The following SCAND3 variants were observed in gnomAD, a reference collection of about 807,000 sequenced individuals.
The protein encoded by SCAND3 is SCAN domain-containing protein 3.
chr6:28,586,596 C>T, the SCAND3 span: 23 of 1,614,100 alleles, frequency 1.4e-5, no homozygotes, highest in Non-Finnish European at 1.9e-5. This position sits in a 1 kb window ranked among gnomAD's most constrained non-coding sequence, Gnocchi z 4.4. Flanking sequence ...CAAATTCCTA[C>T]GTAGGGCTGA....
the SCAND3 span, among the ~76,000 whole-genome samples, chr6:28,583,928 C>A: frequency 1.3e-5 from 2 of 152,174 alleles, no homozygotes; most frequent in Non-Finnish European, 2.9e-5. Context: ...CAAATCCAAC[C>A]CCCTTTGCAA....
the SCAND3 span, among the ~76,000 whole-genome samples, chr6:28,583,224 C>G: frequency 6.6e-6 from 1 of 151,262 alleles, no homozygotes; most frequent in South Asian, 2.1e-4. Context: ...AACCTCGTAT[C>G]TACTAAAAAT....
At chr6:28,600,022 A>T in the SCAND3 span, among the ~76,000 whole-genome samples, 1 of 152,176 alleles carries the variant, frequency 6.6e-6, no homozygotes, top group Non-Finnish European at 1.5e-5. Flanking sequence ...AAAACACAAA[A>T]CTATAGAATT....
the SCAND3 span, chr6:28,586,242 A>C: frequency 1.2e-5 from 18 of 1,457,810 alleles, no homozygotes; most frequent in African/African-American, 2.1e-4. This position sits in a 1 kb window ranked among gnomAD's most constrained non-coding sequence, Gnocchi z 4.4. Context: ...CCATTACTCC[A>C]TTCTGGATCC....
the SCAND3 span, among the ~76,000 whole-genome samples, chr6:28,582,455 G>A: frequency 6.6e-6 from 1 of 152,078 alleles, no homozygotes; most frequent in Non-Finnish European, 1.5e-5. This position sits in a 1 kb window ranked among gnomAD's most constrained non-coding sequence, Gnocchi z 4.8. Context: ...CTGACTAGAC[G>A]TGAGAAACTG....
chr6:28,593,157 A>G, the SCAND3 span, among the ~76,000 whole-genome samples: 1 of 152,182 alleles, frequency 6.6e-6, no homozygotes, highest in African/African-American at 2.4e-5. Context: ...CAAACCTTAT[A>G]TCTAATAAAG....
the SCAND3 span, chr6:28,573,049 TAC>T: frequency 6.2e-7 from 1 of 1,611,766 alleles, no homozygotes; most frequent in Non-Finnish European, 8.5e-7. Flanking sequence ...TACAGCTTCA[TAC>T]AGTTCTGAGC....
At chr6:28,607,201 T>C in the SCAND3 span, among the ~76,000 whole-genome samples, 39 of 152,250 alleles carry the variant, frequency 2.6e-4, no homozygotes, top group South Asian at 3.9e-3. Context: ...ATGTACGAGG[T>C]CCCGGGTTCA....
At chr6:28,596,242 T>C in the SCAND3 span, among the ~76,000 whole-genome samples, 1 of 152,136 alleles carries the variant, frequency 6.6e-6, no homozygotes, top group Non-Finnish European at 1.5e-5. Context: ...GGTTAAATAA[T>C]ATATGGTAAA....
the SCAND3 span, among the ~76,000 whole-genome samples, chr6:28,602,390 T>A: frequency 1.5e-4 from 23 of 152,168 alleles, no homozygotes; most frequent in African/African-American, 5.1e-4. Flanking sequence ...GTGTTTTTAG[T>A]AGAGACAGGG....
chr6:28,608,913 A>G, the SCAND3 span, among the ~76,000 whole-genome samples: 1 of 151,810 alleles, frequency 6.6e-6, no homozygotes, highest in South Asian at 2.1e-4. Context: ...GAATCGCTTG[A>G]GCCCAGGAGG....
the SCAND3 span, among the ~76,000 whole-genome samples, chr6:28,606,879 T>C: frequency 1.3e-5 from 2 of 152,206 alleles, no homozygotes; most frequent in Non-Finnish European, 2.9e-5. Context: ...GCTGGTACCC[T>C]GGCTGCGCTA....
At chr6:28,587,451 T>A in the SCAND3 span, 1 of 152,206 alleles carries the variant, frequency 6.6e-6, no homozygotes, top group East Asian at 1.9e-4. Flanking sequence ...GAGAATTAAC[T>A]CCGGAATTAC....
At chr6:28,572,228 C>T in the SCAND3 span, 12 of 1,613,846 alleles carry the variant, frequency 7.4e-6, no homozygotes, top group Non-Finnish European at 1.0e-5. This position sits in a 1 kb window ranked among gnomAD's most constrained non-coding sequence, Gnocchi z 4.1. Flanking sequence ...TGTAGAGTTA[C>T]AGTTAAATTT....
At chr6:28,572,791 G>A in the SCAND3 span, 1 of 1,612,906 alleles carries the variant, frequency 6.2e-7, no homozygotes, top group Non-Finnish European at 8.5e-7. The surrounding 1 kb of genome is among the most constrained non-coding windows in gnomAD (Gnocchi z 4.1). Context: ...TGAATTCAAT[G>A]AATTAGATTT....
the SCAND3 span, among the ~76,000 whole-genome samples, chr6:28,603,973 A>G: frequency 3.9e-5 from 6 of 152,296 alleles, no homozygotes; most frequent in Middle Eastern, 6.8e-3. Flanking sequence ...CCCCAACAGG[A>G]CTGCCCAGAT....
the SCAND3 span, among the ~76,000 whole-genome samples, chr6:28,612,140 G>A: frequency 6.6e-6 from 1 of 151,910 alleles, no homozygotes; most frequent in Non-Finnish European, 1.5e-5. Flanking sequence ...AGCTTCAAGC[G>A]ATTCTCCTGA....
chr6:28,583,065 G>C, the SCAND3 span, among the ~76,000 whole-genome samples: 1 of 152,006 alleles, frequency 6.6e-6, no homozygotes, highest in Non-Finnish European at 1.5e-5. Context: ...TGTGAGGAAA[G>C]GGGGGGCAAG....
chr6:28,611,831 T>C, the SCAND3 span, among the ~76,000 whole-genome samples: 1 of 152,238 alleles, frequency 6.6e-6, no homozygotes. Flanking sequence ...TTCCACTGTA[T>C]ATACAGTAGC....
Sources: gnomAD v4.1 joint callset for allele counts (sites outside exome capture counted in the v4.1 genomes callset) on GRCh38, gnomAD v4.1.1 for gene constraint, Gnocchi (gnomAD v3.1) non-coding constraint, MANE v1.5 for transcripts, NCBI Gene and HGNC (gene_info 2026-07-23, HGNC 2026-07-21) for gene names.